The following AGMO variants were observed in gnomAD, a reference collection of about 807,000 sequenced individuals.
AGMO encodes alkylglycerol monooxygenase.
A neutral mutation model predicts 60.2 loss-of-function variants in AGMO; 75 were observed. The ratio of observed to expected loss-of-function variants is 1.25; its 90% CI spans 1.03 to 1.51. The LOEUF (loss-of-function observed/expected upper bound fraction) is 1.51. AGMO is among the 40% of genes most tolerant of loss of function. The probability of loss-of-function intolerance (pLI) is 0.00; values close to 1 mark genes in which losing one functional copy is unlikely to be tolerated. For missense variants in AGMO, 763 were observed against 525.5 expected (o/e 1.45, Z -4.42); for synonymous variants, 261 against 177.1 (o/e 1.47, Z -3.76).
intron 12 of AGMO, among the ~76,000 whole-genome samples, chr7:15,353,691 G>C (rs577885097): frequency 2.6e-5 from 4 of 152,090 alleles, no homozygotes; most frequent in Admixed American, 1.3e-4. Flanking sequence ...GCTCAAAATA[G>C]ACATAATATT....
At chr7:15,475,391 G>A (rs1782567911) in intron 3 of AGMO, among the ~76,000 whole-genome samples, 1 of 152,064 alleles carries the variant, frequency 6.6e-6, no homozygotes, top group Non-Finnish European at 1.5e-5. Context: ...GTTCTTTGCA[G>A]GGACAGGGAT....
rs1215186169 is a variant in AGMO, at chr7:15,406,700, CATATATATGTGTATATATAT to C, written c.609+11838_609+11857del. ...TATATGTGTATATATATGGAATATA[CATATATATGTGTATATATAT>C]GTATATACACACATACATATGAATA... On this transcript the variant is annotated intron_variant, in intron 5 of 12. Transcript: ENST00000342526. Among the ~76,000 whole-genome samples the C allele has an allele frequency of 3.8e-4, 16 of 42,294 alleles. 1 individual carries two copies. In the South Asian group the frequency reaches 0.011, roughly 30 times the overall value. 27.7% of individuals were successfully genotyped at this position (42,294 alleles called of 152,430 possible). A position where few individuals can be genotyped will look rare whatever the true frequency, so the allele number is the denominator to read the frequency against.
Position 15,201,334 on chromosome 7 carries a change from A to C in AGMO, c.1289T>G (p.Phe430Cys). Residue 430 changes from phenylalanine to cysteine, a missense_variant, in exon 13 of 13, where the codon TTC (phenylalanine) becomes TGC (cysteine). Transcript: ENST00000342526. ...TTGTTTCATGCTTCTAACTCCCCAGAAAGCAATGCAAATGGAAAAAACAAT... is the reference window on the plus strand; with the variant it reads ...TTGTTTCATGCTTCTAACTCCCCAGCAAGCAATGCAAATGGAAAAAACAAT... ...FEIVFSICIA[F>C]WGVRSMKQLT... The C allele has an allele frequency of 6.2e-7, 1 of 1,612,824 alleles. No individual in the cohort carries two copies. The highest frequency in any genetic ancestry group is 8.5e-7 in the Non-Finnish European group (1 of 1,179,388).
At chr7:15,539,023 G>C (rs1167877795) in intron 3 of AGMO, among the ~76,000 whole-genome samples, 1 of 152,024 alleles carries the variant, frequency 6.6e-6, no homozygotes, top group African/African-American at 2.4e-5. Flanking sequence ...CCTGCTTTCA[G>C]GACTAAACAA....
At chr7:15,232,103 C>T (rs918032549) in intron 12 of AGMO, among the ~76,000 whole-genome samples, 1 of 152,166 alleles carries the variant, frequency 6.6e-6, no homozygotes, top group Non-Finnish European at 1.5e-5. Flanking sequence ...CATCCTCCCA[C>T]CTGCTGAAGA....
chr7:15,347,506 T>C (rs1782075392), intron 12 of AGMO, among the ~76,000 whole-genome samples: 1 of 152,032 alleles, frequency 6.6e-6, no homozygotes, highest in Admixed American at 6.6e-5. Context: ...ATCTGTCTCC[T>C]CTATATGTCT....
At chr7:15,364,329 T>C (rs2128560626) in intron 12 of AGMO, among the ~76,000 whole-genome samples, 1 of 152,162 alleles carries the variant, frequency 6.6e-6, no homozygotes, top group Admixed American at 6.5e-5. Context: ...TATATATTTA[T>C]ATACCGATAT....
chr7:15,557,085 C>G (rs1005243182), intron 2 of AGMO, among the ~76,000 whole-genome samples: 3 of 151,808 alleles, frequency 2.0e-5, no homozygotes, highest in Admixed American at 6.6e-5. Context: ...ATGGTAGGCA[C>G]GCTATTAATC....
At chr7:15,392,659 C>T (rs887646570) in intron 6 of AGMO, among the ~76,000 whole-genome samples, 3 of 151,940 alleles carry the variant, frequency 2.0e-5, no homozygotes. Context: ...ATTAACCACA[C>T]GTGGTGGCTG....
the AGMO span, among the ~76,000 whole-genome samples, chr7:15,124,767 G>A: frequency 2.6e-4 from 40 of 152,182 alleles, no homozygotes; most frequent in Middle Eastern, 3.4e-3. Flanking sequence ...TTCTCAGGAT[G>A]TTATGCAAAT....
intron 12 of AGMO, among the ~76,000 whole-genome samples, chr7:15,301,113 G>A (rs542917958): frequency 5.3e-5 from 8 of 152,190 alleles, no homozygotes; most frequent in Middle Eastern, 6.8e-3. Flanking sequence ...GTGTTTGTGG[G>A]TGAAATTAAA....
intron 2 of AGMO, among the ~76,000 whole-genome samples, chr7:15,559,806 G>A (rs1043701593): frequency 3.3e-5 from 5 of 151,970 alleles, no homozygotes; most frequent in African/African-American, 4.8e-5. Flanking sequence ...CTACACCCGA[G>A]ACAGCTATTC....
intron 12 of AGMO, among the ~76,000 whole-genome samples, chr7:15,290,005 G>A (rs952557219): frequency 8.5e-6 from 1 of 117,066 alleles, no homozygotes; most frequent in African/African-American, 3.4e-5. Context: ...AGGATGGACA[G>A]TGCAGTCTTT....
At chr7:15,347,083 C>G (rs894982392) in intron 12 of AGMO, among the ~76,000 whole-genome samples, 1 of 151,910 alleles carries the variant, frequency 6.6e-6, no homozygotes, top group Non-Finnish European at 1.5e-5. Flanking sequence ...TAAAATGAAT[C>G]AAACTTTAAA....
chr7:15,486,218 C>T (rs1782918428), intron 3 of AGMO, among the ~76,000 whole-genome samples: 1 of 152,094 alleles, frequency 6.6e-6, no homozygotes, highest in African/African-American at 2.4e-5. Flanking sequence ...GCTCTATCAG[C>T]AAGCTCAGTG....
At chr7:15,161,300 A>T in the AGMO span, among the ~76,000 whole-genome samples, 1 of 152,164 alleles carries the variant, frequency 6.6e-6, no homozygotes, top group Non-Finnish European at 1.5e-5. Context: ...TTTGCAAGAA[A>T]AAAGACAAAT....
chr7:15,334,947 T>A (rs1211496181), intron 12 of AGMO, among the ~76,000 whole-genome samples: 2 of 152,148 alleles, frequency 1.3e-5, no homozygotes, highest in Non-Finnish European at 2.9e-5. Context: ...TCTATTTTAG[T>A]CAGAAAAGTC....
intron 3 of AGMO, among the ~76,000 whole-genome samples, chr7:15,528,421 A>G (rs991749476): frequency 1.3e-5 from 2 of 152,126 alleles, no homozygotes; most frequent in Admixed American, 6.6e-5. Context: ...TTGTGTTACC[A>G]TACATAATAT....
rs1396850222 is a variant in AGMO at position 15,438,689 on chromosome 7, C to T, written c.410-7581G>A. The stretch of plus-strand genomic sequence containing the variant: ...GAATATTTAGCAGAGGACACTAAGG[C>T]CCTAGGGTACGCAAAGACACCAGAT... On this transcript the variant is annotated intron_variant, in intron 3 of 12. Coordinates refer to ENST00000342526, the MANE Select transcript of AGMO (RefSeq NM_001004320.2). Among the ~76,000 whole-genome samples the T allele has an allele frequency of 2.0e-5, 3 of 152,180 alleles. No individual in the cohort carries two copies. The East Asian group carries it at 5.8e-4, about 29-fold the overall frequency.
Sources: allele counts gnomAD v4.1 joint callset (sites outside exome capture counted in the v4.1 genomes callset), GRCh38; gene constraint gnomAD v4.1.1; transcripts MANE v1.5; gene names NCBI Gene and HGNC (gene_info 2026-07-23, HGNC 2026-07-21).